SYT14: variants seen among roughly 807,000 people sequenced by gnomAD.
SYT14 encodes synaptotagmin-14.
A neutral mutation model predicts 74.2 loss-of-function variants in SYT14; 32 were observed. That is an observed-to-expected ratio of 0.43 (90% confidence interval 0.33 to 0.58). SYT14 has a LOEUF of 0.58. Among genes scored for constraint, SYT14 ranks in the 20% least tolerant of loss-of-function variants. The pLI is 0.05. For synonymous variants in SYT14, 298 were observed against 337.7 expected, an observed-to-expected ratio of 0.88 and a Z score of 1.29; for missense variants, 791 against 981.8, an observed-to-expected ratio of 0.81 and a Z score of 2.60.
At chr1:210,083,466 G>A (rs187602534) in intron 5 of SYT14, among the ~76,000 whole-genome samples, 1 of 152,312 alleles carries the variant, frequency 6.6e-6, no homozygotes, top group Non-Finnish European at 1.5e-5. Flanking sequence ...AGGTTGGAGT[G>A]TAGTGGCACA....
chr1:210,106,572 G>C (rs959268890), intron 7 of SYT14, among the ~76,000 whole-genome samples: 4 of 152,154 alleles, frequency 2.6e-5, no homozygotes, highest in African/African-American at 7.2e-5. Flanking sequence ...GCAACAAGGA[G>C]AAGTGCCAAG....
chr1:210,123,600 A>G (rs1231537062), intron 7 of SYT14, among the ~76,000 whole-genome samples: 1 of 152,228 alleles, frequency 6.6e-6, no homozygotes, highest in Non-Finnish European at 1.5e-5. Flanking sequence ...TCAAGATTCC[A>G]AGCAAAGATT....
In SYT14 at chr1:210,138,382, A is replaced by G. The variant is rs561589077; in HGVS notation, c.2035-17339A>G. Reference sequence around the variant, plus strand: ...CCTCGCACCAGTTCCCTCCCATGACATGTGGGGATTATGGGAGCTACAGTT... The same window carrying G: ...CCTCGCACCAGTTCCCTCCCATGACGTGTGGGGATTATGGGAGCTACAGTT... On this transcript the variant is annotated intron_variant, in intron 7 of 9. Coordinates refer to ENST00000637265, the Ensembl canonical transcript of SYT14. Among the ~76,000 whole-genome samples the G allele has an allele frequency of 6.3e-4, 96 of 152,242 alleles. 1 individual carries two copies. Among genetic ancestry groups the G allele is most frequent in the African/African-American group, 2.0e-3 (84 of 41,560 alleles).
At chr1:209,982,580 A>G (rs1439162789) in intron 2 of SYT14, among the ~76,000 whole-genome samples, 3 of 151,166 alleles carry the variant, frequency 2.0e-5, no homozygotes, top group Non-Finnish European at 3.0e-5. Context: ...GCACAGTTTT[A>G]TTTATCCATT....
intron 7 of SYT14, among the ~76,000 whole-genome samples, chr1:210,123,945 G>T (rs1188872904): frequency 6.6e-6 from 1 of 152,092 alleles, no homozygotes; most frequent in Non-Finnish European, 1.5e-5. Context: ...TCAGAAAAAG[G>T]AACAGTCATA....
chr1:210,068,781 A>G (rs535914482), intron 5 of SYT14, among the ~76,000 whole-genome samples: 163 of 151,780 alleles, frequency 1.1e-3, no homozygotes, highest in Non-Finnish European at 2.0e-3. Flanking sequence ...AATCCTCTCT[A>G]TAGAATTGGT....
chr1:210,001,903 G>A (rs2079907399), intron 2 of SYT14, among the ~76,000 whole-genome samples: 1 of 152,130 alleles, frequency 6.6e-6, no homozygotes, highest in Non-Finnish European at 1.5e-5. Flanking sequence ...TAGGAAATGA[G>A]GTCAGAGTAG....
intron 2 of SYT14, among the ~76,000 whole-genome samples, chr1:209,970,644 T>G (rs1343286153): frequency 6.7e-6 from 1 of 149,238 alleles, no homozygotes; most frequent in Non-Finnish European, 1.5e-5. Context: ...AATTTACAGA[T>G]TGCTTTGGGC....
At chr1:210,015,358 C>T (rs2080161825) in intron 3 of SYT14, among the ~76,000 whole-genome samples, 1 of 152,096 alleles carries the variant, frequency 6.6e-6, no homozygotes, top group South Asian at 2.1e-4. Context: ...TCTCAGGGAA[C>T]TTAATTTTTC....
In SYT14 at chr1:210,013,807, G is replaced by A. The variant is rs773237587; in HGVS notation, c.-321+10G>A. ...TCACAAGATAAAATTTGTAAGTATC[G>A]TATTGCTGCTTCTCTTGTTTGTTCT... On this transcript the variant is annotated intron_variant, in intron 3 of 9. Transcript: ENST00000637265. 20 of 1,608,900 alleles carry A rather than the reference G, an allele frequency of 1.2e-5. No homozygotes were observed. The highest frequency in any genetic ancestry group is 4.5e-5 in the East Asian group (2 of 44,754).
chr1:209,968,054 C>T (rs2079183658), intron 2 of SYT14, among the ~76,000 whole-genome samples: 2 of 152,082 alleles, frequency 1.3e-5, no homozygotes, highest in Admixed American at 1.3e-4. Context: ...ATTTATAATG[C>T]AGTGTTAGCT....
chr1:209,953,932 G>A (rs1273516784), intron 2 of SYT14, among the ~76,000 whole-genome samples: 8 of 152,176 alleles, frequency 5.3e-5, no homozygotes, highest in Admixed American at 4.6e-4. Context: ...TAAAATGGAG[G>A]TAGGGGATAG....
rs190150114 is a variant in SYT14 at position 210,095,816 on chromosome 1, G to A, written c.1584+1223G>A. ...ATTTCTAGTATTACAGTATCTGACC[G>A]AGAAGAAAATTGTATGCTGATATTT... On this transcript the variant is annotated intron_variant, in intron 6 of 9. Coordinates refer to ENST00000637265, the Ensembl canonical transcript of SYT14. Among the ~76,000 whole-genome samples, 16 of 151,952 alleles carry A rather than the reference G, an allele frequency of 1.1e-4. No individual in the cohort carries two copies. The East Asian group carries it at 2.5e-3, about 24-fold the overall frequency.
intron 5 of SYT14, among the ~76,000 whole-genome samples, chr1:210,088,915 A>G (rs953773444): frequency 1.3e-5 from 2 of 151,826 alleles, no homozygotes; most frequent in African/African-American, 2.4e-5. Flanking sequence ...GTTCTGGGAT[A>G]CATGTGCAGA....
intron 5 of SYT14, among the ~76,000 whole-genome samples, chr1:210,093,426 A>C (rs1353578581): frequency 6.7e-6 from 1 of 148,350 alleles, no homozygotes; most frequent in Non-Finnish European, 1.5e-5. Flanking sequence ...ATCTACAAAG[A>C]CTTAGCTGTT....
intron 2 of SYT14, among the ~76,000 whole-genome samples, chr1:210,009,084 C>T (rs1384831828): frequency 6.6e-6 from 1 of 152,166 alleles, no homozygotes; most frequent in Non-Finnish European, 1.5e-5. Context: ...TGTTGGGCTG[C>T]ATTCAAAGCC....
chr1:209,981,473 G>T, intron 2 of SYT14, among the ~76,000 whole-genome samples: 1 of 114,072 alleles, frequency 8.8e-6, no homozygotes, highest in Admixed American at 1.1e-4. Context: ...TTTTTTTGAG[G>T]CAGGATCTCA....
intron 2 of SYT14, among the ~76,000 whole-genome samples, chr1:210,001,252 A>AGG (rs1041175711): frequency 8.5e-5 from 12 of 141,410 alleles, no homozygotes; most frequent in South Asian, 4.5e-4. Context: ...CAAATTTGCT[A>AGG]ATTTTTTTTT....
chr1:210,007,130 T>A (rs35770090), intron 2 of SYT14, among the ~76,000 whole-genome samples: 44 of 152,018 alleles, frequency 2.9e-4, no homozygotes, highest in African/African-American at 1.0e-3. Context: ...TTTAAAAAAT[T>A]GGTATTTTTT....
Sources: gnomAD v4.1 joint callset for allele counts (sites outside exome capture counted in the v4.1 genomes callset) on GRCh38, gnomAD v4.1.1 for gene constraint, MANE v1.5 for transcripts, NCBI Gene and HGNC (gene_info 2026-07-23, HGNC 2026-07-21) for gene names.